Variants in DUSP18 observed in about 807,000 individuals in gnomAD.
DUSP18 encodes dual specificity phosphatase 18, also known as dual specificity protein phosphatase 18.
In DUSP18, 4 loss-of-function variants were observed where a neutral mutation model predicts 6.3. The observed-to-expected ratio is 0.63, with a 90% CI of 0.31 to 1.45. The LOEUF (loss-of-function observed/expected upper bound fraction) is 1.45, where lower values mean the gene tolerates loss of function less well. DUSP18 is among the 40% of genes most tolerant of loss of function. The pLI, the probability that DUSP18 is intolerant of heterozygous loss-of-function variation, is 0.07. For missense variants in DUSP18, 235 were observed against 247.7 expected (o/e 0.95, Z 0.34); for synonymous variants, 96 against 95.1 (o/e 1.01, Z -0.05).
chr22:30,664,097 G>T lies in DUSP18; in HGVS notation c.-77-17C>A, dbSNP rs2088570215. 7.7e-6 allele frequency: 9 copies of T among 1,169,824 alleles called. No individual in the cohort carries two copies. Among genetic ancestry groups the T allele is most frequent in the Non-Finnish European group, 1.1e-5 (9 of 827,908 alleles). 72.5% of individuals were successfully genotyped at this position (1,169,824 alleles called of 1,614,324 possible). A position where few individuals can be genotyped will look rare whatever the true frequency, so the allele number is the denominator to read the frequency against. On this transcript the variant is annotated splice_polypyrimidine_tract_variant and intron_variant, in intron 1 of 1. Coordinates refer to ENST00000334679, the MANE Select transcript of DUSP18 (RefSeq NM_152511.5). ...CATGGAAAACTGCAGAGAGGGAGAG[G>T]ATGTTTAGAGGGCAGGTGCCCAGAG...
chr22:30,664,431 G>C (rs1326546906), intron 1 of DUSP18, among the ~76,000 whole-genome samples: 1 of 152,208 alleles, frequency 6.6e-6, no homozygotes, highest in Non-Finnish European at 1.5e-5. Flanking sequence ...TCCCTCAGCT[G>C]TGCCTTGGCC....
downstream of DUSP18, among the ~76,000 whole-genome samples, chr22:30,658,298 G>C (rs1319546336): frequency 4.6e-5 from 7 of 151,718 alleles, 1 homozygote; most frequent in East Asian, 1.4e-3. Flanking sequence ...CAGAACTTTG[G>C]GAGGCTGAGG....
intron 2 of DUSP18, among the ~76,000 whole-genome samples, chr22:30,656,407 A>C (rs1195778513): frequency 2.6e-5 from 4 of 152,214 alleles, no homozygotes. Context: ...AGAAATCCTC[A>C]GGGCCAACAG....
Position 30,662,482 on chromosome 22 carries a change from T to C in DUSP18, c.*955A>G, listed in dbSNP as rs1451311206. On this transcript the variant is annotated 3_prime_UTR_variant, in exon 2 of 2. Coordinates refer to ENST00000334679, the MANE Select transcript of DUSP18 (RefSeq NM_152511.5). ...TCTTTTGCCAAAGTTTGGTGAGGGATGGCCAAGAGCTCTTTGAAACTTTGC... is the reference window on the plus strand; with the variant it reads ...TCTTTTGCCAAAGTTTGGTGAGGGACGGCCAAGAGCTCTTTGAAACTTTGC... The C allele has an allele frequency of 6.6e-6, 1 of 152,196 alleles. No individual in the cohort carries two copies. Among genetic ancestry groups the C allele is most frequent in the East Asian group, 1.9e-4 (1 of 5,192 alleles). The allele number at this position is 152,196 out of a possible 1,614,324, so 9.4% of individuals were successfully genotyped here.
chr22:30,653,121 T>A (rs1474241275), intron 2 of DUSP18, among the ~76,000 whole-genome samples: 1 of 152,196 alleles, frequency 6.6e-6, no homozygotes, highest in African/African-American at 2.4e-5. Flanking sequence ...ATGCACTTAG[T>A]AAATGCTTGC....
chr22:30,656,278 C>T (rs1417392511), intron 2 of DUSP18, among the ~76,000 whole-genome samples: 1 of 152,048 alleles, frequency 6.6e-6, no homozygotes, highest in Non-Finnish European at 1.5e-5. Flanking sequence ...CACTTGGACT[C>T]TAAGGGCATT....
downstream of DUSP18, among the ~76,000 whole-genome samples, chr22:30,657,853 A>C (rs2145598176): frequency 6.6e-6 from 1 of 150,986 alleles, no homozygotes; most frequent in Non-Finnish European, 1.5e-5. Flanking sequence ...GCAGTGAGCC[A>C]AGATCACGCC....
chr22:30,659,714 C>G (rs755209393), downstream of DUSP18, among the ~76,000 whole-genome samples: 1 of 152,170 alleles, frequency 6.6e-6, no homozygotes, highest in Non-Finnish European at 1.5e-5. Flanking sequence ...TGTTTCTGAC[C>G]TATTCCCTGG....
In DUSP18 at chr22:30,662,299, G is replaced by T. The variant is rs1308439390; in HGVS notation, c.*1138C>A. 1 of 152,188 alleles carries T rather than the reference G, an allele frequency of 6.6e-6. No individual in the cohort carries two copies. 9.4% of individuals were successfully genotyped at this position (152,188 alleles called of 1,614,324 possible). A position where few individuals can be genotyped will look rare whatever the true frequency, so the allele number is the denominator to read the frequency against. ...CTGTCATTGGACAGATGAGGACACTGATGCTCCCAGGGGTCCACATCACAT... is the reference window on the plus strand; with the variant it reads ...CTGTCATTGGACAGATGAGGACACTTATGCTCCCAGGGGTCCACATCACAT... On this transcript the variant is annotated 3_prime_UTR_variant, in exon 2 of 2. Transcript: ENST00000334679.
chr22:30,657,322 G>A (rs929121000), downstream of DUSP18, among the ~76,000 whole-genome samples: 3 of 151,646 alleles, frequency 2.0e-5, no homozygotes, highest in Non-Finnish European at 4.4e-5. Flanking sequence ...AGCCGGGCGT[G>A]GGGGCGGGCA....
chr22:30,664,717 G>A (rs781654516), intron 1 of DUSP18, among the ~76,000 whole-genome samples: 8 of 152,244 alleles, frequency 5.3e-5, no homozygotes, highest in Non-Finnish European at 7.3e-5. Context: ...ATGCGAAGCT[G>A]ATGTCAAATA....
intron 1 of DUSP18, among the ~76,000 whole-genome samples, chr22:30,666,318 T>G (rs2145628093): frequency 6.6e-6 from 1 of 152,244 alleles, no homozygotes; most frequent in Admixed American, 6.5e-5. Context: ...ATTTTCATGC[T>G]AGTTAAGAAA....
Position 30,663,344 on chromosome 22 carries a change from T to G in DUSP18, c.*93A>C. On this transcript the variant is annotated 3_prime_UTR_variant, in exon 2 of 2. Transcript: ENST00000334679. ...AAGGCATCATCTGTTTTTTTCTGTATCAACAAAAGTAGAATGTTCAAGTTT... is the reference window on the plus strand; with the variant it reads ...AAGGCATCATCTGTTTTTTTCTGTAGCAACAAAAGTAGAATGTTCAAGTTT... 1 of 1,298,230 alleles carries G rather than the reference T, an allele frequency of 7.7e-7. No homozygotes were observed. Among genetic ancestry groups the G allele is most frequent in the Non-Finnish European group, 1.1e-6 (1 of 942,010 alleles). The allele number at this position is 1,298,230 out of a possible 1,614,324, so 80.4% of individuals were successfully genotyped here.
At chr22:30,655,069 C>T (rs13433566) in intron 2 of DUSP18, among the ~76,000 whole-genome samples, 285 of 152,208 alleles carry the variant, frequency 1.9e-3, no homozygotes, top group Non-Finnish European at 2.6e-3. Context: ...CTGCTATTCT[C>T]TGCTCCCTAC....
intron 1 of DUSP18, among the ~76,000 whole-genome samples, chr22:30,666,428 C>T (rs1322477258): frequency 2.6e-5 from 4 of 152,004 alleles, no homozygotes; most frequent in Non-Finnish European, 5.9e-5. Flanking sequence ...CAAGACCAGC[C>T]TGACCAACAT....
downstream of DUSP18, among the ~76,000 whole-genome samples, chr22:30,658,981 A>G (rs1485074571): frequency 1.3e-5 from 2 of 152,044 alleles, no homozygotes; most frequent in East Asian, 3.9e-4. Context: ...CATCTCTACT[A>G]GGCATGGTGG....
chr22:30,654,276 G>T (rs143206465), intron 2 of DUSP18: 1 of 439,410 alleles, frequency 2.3e-6, no homozygotes, highest in Non-Finnish European at 4.5e-6. Context: ...GAGCCACCGC[G>T]CCCGGCCATC....
chr22:30,656,829 G>A (rs2088347468), downstream of DUSP18, among the ~76,000 whole-genome samples: 1 of 152,126 alleles, frequency 6.6e-6, no homozygotes, highest in Non-Finnish European at 1.5e-5. Context: ...TAAAAAGGAG[G>A]AATGGCTTGG....
downstream of DUSP18, among the ~76,000 whole-genome samples, chr22:30,659,229 A>G (rs1157085404): frequency 1.3e-5 from 2 of 152,282 alleles, no homozygotes; most frequent in East Asian, 1.9e-4. Flanking sequence ...ACTGCCTCCT[A>G]AAACAAAAAC....
Sources: allele counts gnomAD v4.1 joint callset (sites outside exome capture counted in the v4.1 genomes callset), GRCh38; gene constraint gnomAD v4.1.1; transcripts MANE v1.5; gene names NCBI Gene and HGNC (gene_info 2026-07-23, HGNC 2026-07-21).